The following NUDT13 variants were observed in gnomAD, a reference collection of about 807,000 sequenced individuals.
NUDT13 encodes the protein nudix hydrolase 13, also known as NAD(P)H pyrophosphatase NUDT13, mitochondrial.
NUDT13 carries 40 observed loss-of-function variants against 41.7 expected under a neutral mutation model. The ratio of observed to expected loss-of-function variants is 0.96; its 90% CI spans 0.75 to 1.25. The LOEUF (loss-of-function observed/expected upper bound fraction) is 1.25, where lower values mean the gene tolerates loss of function less well. Among genes scored for constraint, NUDT13 ranks in the 50% most tolerant of loss-of-function variants. The pLI is 0.00. For synonymous variants in NUDT13, 145 were observed against 155.5 expected (o/e 0.93, Z 0.50); for missense variants, 390 against 416.1 (o/e 0.94, Z 0.55).
intron 5 of NUDT13, 40 bp from the exon 6 acceptor site, chr10:73,125,078 T>C: frequency 6.4e-7 from 1 of 1,573,000 alleles, no homozygotes; most frequent in South Asian, 1.1e-5. Context: ...GAGCCCCGCA[T>C]TCTCTCCAAA....
intron 2 of NUDT13, among the ~76,000 whole-genome samples, chr10:73,116,217 C>G (rs1377581881): frequency 6.6e-6 from 1 of 151,846 alleles, no homozygotes; most frequent in Non-Finnish European, 1.5e-5. Flanking sequence ...CTATGTTGCC[C>G]AGGCTGGTCT....
intron 2 of NUDT13, among the ~76,000 whole-genome samples, chr10:73,117,591 A>G (rs1293122023): frequency 6.6e-6 from 1 of 151,880 alleles, no homozygotes; most frequent in African/African-American, 2.4e-5. Context: ...AAGTCTATCA[A>G]TAAAGAATAT....
At chr10:73,114,597 GTATATATATATATTCATA>G (rs1041427992) in intron 2 of NUDT13, 149 bp downstream of exon 2, 18 of 236,440 alleles carry the variant, frequency 7.6e-5, no homozygotes, top group African/African-American at 4.2e-4. Flanking sequence ...GTGTGTGTGT[GTATATATATATATTCATA>G]TATATATATA....
At chr10:73,115,984 C>T (rs138543024) in intron 2 of NUDT13, among the ~76,000 whole-genome samples, 1 of 151,396 alleles carries the variant, frequency 6.6e-6, no homozygotes, top group East Asian at 2.0e-4. Context: ...GTTCTAGAAC[C>T]CTTAACCTAA....
In NUDT13 at chr10:73,122,084, T is replaced by C. The variant is rs988602753; in HGVS notation, c.224-91T>C. 2.9e-5 allele frequency: 41 copies of C among 1,414,872 alleles called. No individual in the cohort carries two copies. In the South Asian group the frequency reaches 5.4e-4, roughly 19 times the overall value. The allele number at this position is 1,414,872 out of a possible 1,614,324, so 87.6% of individuals were successfully genotyped here. On this transcript the variant is annotated intron_variant, in intron 3 of 8. Transcript: ENST00000357321. ...CAAGTATACCCACTTTAAGCTGAAG[T>C]AGATGATTTTCTGTGAGTCTAATAT...
In NUDT13 at chr10:73,114,355, A is replaced by G. The variant is rs79666533; in HGVS notation, c.-9-2A>G. ...TTAAAACTCCTTTTTTTTTTTTTTA[A>G]GGACCTGACAATGTCCCTGTATTGT... On this transcript the variant is annotated splice_acceptor_variant, in intron 1 of 8. Coordinates refer to ENST00000357321, the MANE Select transcript of NUDT13 (RefSeq NM_015901.6). LOFTEE classifies it low-confidence loss of function (5UTR_SPLICE). 7.0e-7 allele frequency: 1 copy of G among 1,437,160 alleles called. No homozygotes were observed. The highest frequency in any genetic ancestry group is 9.4e-7 in the Non-Finnish European group (1 of 1,061,306). 89.0% of individuals were successfully genotyped at this position (1,437,160 alleles called of 1,614,324 possible).
At chr10:73,114,333 A>C in intron 1 of NUDT13, 24 bp from the exon 2 acceptor site, 1 of 1,199,860 alleles carries the variant, frequency 8.3e-7, no homozygotes, top group Non-Finnish European at 1.2e-6. Flanking sequence ...ACTTTTTTTA[A>C]AACTCCTTTT....
chr10:73,125,497 T>G lies in NUDT13; in HGVS notation c.691T>G (p.Phe231Val). Residue 231 changes from phenylalanine (F) to valine (V), a missense_variant, in exon 7 of 9, where the codon TTT becomes GTT. Phe to Val is a conservative substitution (Grantham distance 50, BLOSUM62 -1). Transcript: ENST00000357321. ...GGGAATGTATTCTGCCTTGGCAGGT[T>G]TTTGTGATATAGGTGAGGAGTTTAG... ...PKGMYSALAG[F>V]CDIGESVEET... The G allele has an allele frequency of 6.3e-7, 1 of 1,596,332 alleles. No homozygotes were observed.
At chr10:73,112,233 A>C (rs1255223565) in intron 1 of NUDT13, among the ~76,000 whole-genome samples, 1 of 152,086 alleles carries the variant, frequency 6.6e-6, no homozygotes, top group African/African-American at 2.4e-5. Flanking sequence ...TATGCCTGTA[A>C]TCCCAACTAC....
rs1842900573 is a variant in NUDT13, at chr10:73,130,770, T to C, written c.926T>C (p.Leu309Pro). The change falls in exon 9 of 9, where the codon CTG (leucine) becomes CCG (proline). Residue 309 changes from leucine (L) to proline (P), a missense_variant. Leu to Pro is a moderately conservative substitution (Grantham distance 98). Transcript: ENST00000357321. ...AGTCATGATGAGGTAGCCACAGCCC[T>C]GAAGAGAAAGGGCCCCTATACTCAG... ...WFSHDEVATA[L>P]KRKGPYTQQQ... 6.2e-7 allele frequency: 1 copy of C among 1,613,920 alleles called. No individual in the cohort carries two copies. Among genetic ancestry groups the C allele is most frequent in the Non-Finnish European group, 8.5e-7 (1 of 1,179,946 alleles).
intron 8 of NUDT13, among the ~76,000 whole-genome samples, chr10:73,129,396 A>C (rs1238227204): frequency 1.3e-5 from 2 of 150,494 alleles, no homozygotes; most frequent in Non-Finnish European, 3.0e-5. Context: ...CTGGTCTCGA[A>C]CTCCTGACCT....
chr10:73,114,559 A>T (rs1432635514), intron 2 of NUDT13, 111 bp downstream of exon 2: 1 of 304,790 alleles, frequency 3.3e-6, no homozygotes, highest in Non-Finnish European at 5.9e-6. Flanking sequence ...TATACATTAT[A>T]TATTACTATA....
chr10:73,125,913 T>C (rs1355063531), intron 7 of NUDT13, among the ~76,000 whole-genome samples: 1 of 152,046 alleles, frequency 6.6e-6, no homozygotes, highest in Non-Finnish European at 1.5e-5. Flanking sequence ...CCTGAACTCC[T>C]GGCTTCAAGT....
chr10:73,130,636 T>C, intron 8 of NUDT13, 67 bp from the exon 9 acceptor site: 1 of 1,311,294 alleles, frequency 7.6e-7, no homozygotes, highest in Non-Finnish European at 1.1e-6. Context: ...TTTTCTGACC[T>C]TTGGCCATAG....
At chr10:73,115,819 A>C (rs1842493858) in intron 2 of NUDT13, among the ~76,000 whole-genome samples, 1 of 152,192 alleles carries the variant, frequency 6.6e-6, no homozygotes, top group Non-Finnish European at 1.5e-5. Context: ...ACTTCAGTGA[A>C]AGGTAGAGTA....
At chr10:73,125,757 T>C (rs2133226683) in intron 7 of NUDT13, among the ~76,000 whole-genome samples, 1 of 151,290 alleles carries the variant, frequency 6.6e-6, no homozygotes, top group Non-Finnish European at 1.5e-5. Context: ...CAATCATGGC[T>C]CATTACAGCC....
chr10:73,122,760 T>A (rs78279868), intron 4 of NUDT13, among the ~76,000 whole-genome samples: 2 of 146,870 alleles, frequency 1.4e-5, no homozygotes, highest in Non-Finnish European at 3.0e-5. Flanking sequence ...TTTTTTTTTT[T>A]AATAGAGATG....
intron 4 of NUDT13, among the ~76,000 whole-genome samples, chr10:73,123,369 C>G (rs758786367): frequency 6.6e-6 from 1 of 152,108 alleles, no homozygotes; most frequent in Non-Finnish European, 1.5e-5. Context: ...TCAGGCTTTC[C>G]TTCTGTCTTT....
At chr10:73,122,080 G>A in intron 3 of NUDT13, 95 bp from the exon 4 acceptor site, 1 of 1,403,724 alleles carries the variant, frequency 7.1e-7, no homozygotes, top group South Asian at 1.4e-5. Flanking sequence ...ACTTTAAGCT[G>A]AAGTAGATGA....
Sources: gnomAD v4.1 joint callset for allele counts (sites outside exome capture counted in the v4.1 genomes callset) on GRCh38, gnomAD v4.1.1 for gene constraint, MANE v1.5 for transcripts, NCBI Gene and HGNC (gene_info 2026-07-23, HGNC 2026-07-21) for gene names.